Variants in PACRG observed in about 807,000 individuals in gnomAD.
PACRG encodes parkin coregulated gene protein.
Under a neutral mutation model 29.7 loss-of-function variants are expected in PACRG, and 29 were observed. The observed-to-expected ratio is 0.98, with a 90% CI of 0.73 to 1.33. The LOEUF (loss-of-function observed/expected upper bound fraction) is 1.33, where lower values mean the gene tolerates loss of function less well. Ranked by LOEUF, PACRG falls within the 40% of genes most tolerant of loss-of-function variation. The pLI is 0.00. For synonymous variants in PACRG, 116 were observed against 118.7 expected, an observed-to-expected ratio of 0.98 and a Z score of 0.15; for missense variants, 279 against 316.2, an observed-to-expected ratio of 0.88 and a Z score of 0.89.
chr6:163,153,315 G>T (rs549386167), intron 4 of PACRG, among the ~76,000 whole-genome samples: 2 of 152,182 alleles, frequency 1.3e-5, no homozygotes, highest in Admixed American at 1.3e-4. Context: ...GAGGGAAGGG[G>T]TGGGCACTCC....
chr6:162,749,648 G>A (rs540925476), intron 1 of PACRG, among the ~76,000 whole-genome samples: 51 of 152,224 alleles, frequency 3.4e-4, no homozygotes, highest in African/African-American at 1.2e-3. Context: ...AGTCCCCTGA[G>A]TATCTGGGAC....
At chr6:163,241,418 G>A (rs1483411215) in intron 4 of PACRG, among the ~76,000 whole-genome samples, 2 of 152,202 alleles carry the variant, frequency 1.3e-5, no homozygotes, top group Non-Finnish European at 2.9e-5. Context: ...CTTTTAACAG[G>A]TGTGTGTATG....
intron 4 of PACRG, among the ~76,000 whole-genome samples, chr6:163,312,222 G>A (rs1382532772): frequency 6.6e-6 from 1 of 152,144 alleles, no homozygotes; most frequent in African/African-American, 2.4e-5. Context: ...GGGAGAAGGG[G>A]CACACAAAGA....
chr6:162,942,231 C>T (rs1798683048), intron 2 of PACRG, among the ~76,000 whole-genome samples: 1 of 152,140 alleles, frequency 6.6e-6, no homozygotes. Flanking sequence ...GAGCTATTCT[C>T]TCCACATACT....
In PACRG at chr6:162,829,167, A is replaced by G. The variant is rs1788531818; in HGVS notation, c.291+14886A>G. ...CTAGTGAGCAGATTTAGAAAAACAA[A>G]CAGGAAATGATGAGACACATGTGAG... On this transcript the variant is annotated intron_variant, in intron 2 of 4. Coordinates refer to ENST00000366888, the MANE Select transcript of PACRG (RefSeq NM_001080379.2). 2.0e-5 allele frequency among the ~76,000 whole-genome samples: 3 copies of G among 152,238 alleles called. No homozygotes were observed. In the South Asian group the frequency reaches 6.2e-4, roughly 31 times the overall value.
chr6:163,172,767 G>A (rs951337904), intron 4 of PACRG, among the ~76,000 whole-genome samples: 5 of 152,178 alleles, frequency 3.3e-5, no homozygotes, highest in Non-Finnish European at 2.9e-5. Context: ...AGAGACTGGT[G>A]TGCCAATTAG....
intron 2 of PACRG, among the ~76,000 whole-genome samples, chr6:162,827,412 C>A (rs754896254): frequency 6.6e-5 from 10 of 152,036 alleles, no homozygotes; most frequent in Non-Finnish European, 1.2e-4. Context: ...TGTACTATTG[C>A]AGAAATGGAA....
In PACRG at chr6:162,927,203, G is replaced by C. The variant is rs544866868; in HGVS notation, c.291+112922G>C. Among the ~76,000 whole-genome samples, 299 of 152,206 alleles carry C rather than the reference G, an allele frequency of 2.0e-3. 2 individuals are homozygous for C. Among genetic ancestry groups the C allele is most frequent in the African/African-American group, 7.0e-3 (292 of 41,540 alleles). On this transcript the variant is annotated intron_variant, in intron 2 of 4. Transcript: ENST00000366888. ...ATAGAAACACTTTTATACTGTTGGTGGGAATGTAAATTAGTTCAACTATTG... is the reference window on the plus strand; with the variant it reads ...ATAGAAACACTTTTATACTGTTGGTCGGAATGTAAATTAGTTCAACTATTG...
intron 3 of PACRG, among the ~76,000 whole-genome samples, chr6:163,075,456 A>G (rs773523194): frequency 3.9e-5 from 6 of 152,180 alleles, no homozygotes; most frequent in South Asian, 2.1e-4. Context: ...AAGAAAGGAA[A>G]CTTCCAGGAC....
chr6:163,240,503 A>G (rs1782456572), intron 4 of PACRG, among the ~76,000 whole-genome samples: 2 of 151,834 alleles, frequency 1.3e-5, no homozygotes, highest in Admixed American at 6.5e-5. Context: ...CACGGGGTCC[A>G]ATGGTCGCCT....
At chr6:163,218,486 CACGTCCTCA>C (rs1228977188) in intron 4 of PACRG, among the ~76,000 whole-genome samples, 3 of 152,140 alleles carry the variant, frequency 2.0e-5, no homozygotes, top group African/African-American at 7.2e-5. Flanking sequence ...TTTCCATGGC[CACGTCCTCA>C]ACACTGACCC....
intron 4 of PACRG, among the ~76,000 whole-genome samples, chr6:163,235,790 CA>C (rs1782211288): frequency 6.6e-6 from 1 of 152,138 alleles, no homozygotes; most frequent in South Asian, 2.1e-4. Flanking sequence ...GAATCTTTAA[CA>C]AGTACAGTTC....
chr6:163,075,007 T>C (rs1376819515), intron 3 of PACRG, among the ~76,000 whole-genome samples: 3 of 151,688 alleles, frequency 2.0e-5, no homozygotes. Flanking sequence ...AGTATATATA[T>C]ATAACTAAAT....
At position 163,027,502 on chromosome 6, in the gene PACRG, G is replaced by A. The variant is rs572512190; in HGVS notation, c.292-34648G>A. Among the ~76,000 whole-genome samples, 10 of 152,260 alleles carry A rather than the reference G, an allele frequency of 6.6e-5. No homozygotes were observed. In the South Asian group the frequency reaches 1.9e-3, roughly 28 times the overall value. ...ATGTCCCTTTGTCTAGGTTATGGGA[G>A]CATTTCCAAGGTGATTCTCAATGTA... is the stretch of plus-strand genomic sequence containing the variant. On this transcript the variant is annotated intron_variant, in intron 2 of 4. Transcript: ENST00000366888.
chr6:163,301,690 C>T (rs939310076), intron 4 of PACRG, among the ~76,000 whole-genome samples: 2 of 152,224 alleles, frequency 1.3e-5, no homozygotes, highest in Non-Finnish European at 2.9e-5. Context: ...TACTTCCTGT[C>T]CTCTCCCAGA....
chr6:162,731,336 C>A (rs1779752938), intron 1 of PACRG, among the ~76,000 whole-genome samples: 1 of 152,010 alleles, frequency 6.6e-6, no homozygotes, highest in South Asian at 2.1e-4. Context: ...ATGGATTCAA[C>A]TAACCTTGGA....
intron 2 of PACRG, among the ~76,000 whole-genome samples, chr6:162,940,098 T>TA (rs1297849737): frequency 6.6e-6 from 1 of 152,204 alleles, no homozygotes; most frequent in Non-Finnish European, 1.5e-5. Flanking sequence ...CATGGACTAT[T>TA]ATAGTCATAA....
At chr6:162,821,334 T>C (rs530948603) in intron 2 of PACRG, among the ~76,000 whole-genome samples, 6 of 152,238 alleles carry the variant, frequency 3.9e-5, no homozygotes, top group South Asian at 4.1e-4. Flanking sequence ...TCCTGGAAAG[T>C]GTATAGATTG....
At chr6:162,950,092 T>C (rs1383864099) in intron 2 of PACRG, among the ~76,000 whole-genome samples, 1 of 152,240 alleles carries the variant, frequency 6.6e-6, no homozygotes, top group Non-Finnish European at 1.5e-5. Context: ...AATCACATTA[T>C]GAATCCTTGT....
Sources: gnomAD v4.1 joint callset for allele counts (sites outside exome capture counted in the v4.1 genomes callset) on GRCh38, gnomAD v4.1.1 for gene constraint, MANE v1.5 for transcripts, NCBI Gene and HGNC (gene_info 2026-07-23, HGNC 2026-07-21) for gene names.